NEGR1: variants seen among roughly 807,000 people sequenced by gnomAD.
NEGR1 encodes neuronal growth regulator 1, also known as IgLON family member 4.
In NEGR1, 10 loss-of-function variants were observed where a neutral mutation model predicts 40.9. That is an observed-to-expected ratio of 0.24 (90% confidence interval 0.15 to 0.42). The LOEUF is 0.42. NEGR1 is among the 10% of genes least tolerant of loss of function. NEGR1 has a pLI of 1.00. For synonymous variants in NEGR1, 185 were observed against 166.8 expected (o/e 1.11, Z -0.84); for missense variants, 352 against 438.9 (o/e 0.80, Z 1.77).
intron 2 of NEGR1, among the ~76,000 whole-genome samples, chr1:71,925,693 T>A (rs2101887129): frequency 6.6e-6 from 1 of 151,908 alleles, no homozygotes; most frequent in East Asian, 2.0e-4. Flanking sequence ...CCTAATTGCC[T>A]TTATAGTGAT....
intron 2 of NEGR1, among the ~76,000 whole-genome samples, chr1:71,822,605 G>A (rs1658472513): frequency 6.6e-6 from 1 of 152,000 alleles, no homozygotes; most frequent in Non-Finnish European, 1.5e-5. Flanking sequence ...ATTGCTTGAG[G>A]AGACTGGACA....
chr1:71,849,666 G>A (rs1434189154), intron 2 of NEGR1, among the ~76,000 whole-genome samples: 1 of 152,044 alleles, frequency 6.6e-6, no homozygotes. Context: ...AAGGAGGAAG[G>A]GTCAATCTAT....
intron 2 of NEGR1, among the ~76,000 whole-genome samples, chr1:71,867,778 G>A (rs1468299773): frequency 6.6e-6 from 1 of 151,974 alleles, no homozygotes; most frequent in East Asian, 1.9e-4. Flanking sequence ...AAGTAACTAG[G>A]TATTCTTTGC....
chr1:71,519,653 G>A (rs940308791), intron 6 of NEGR1, among the ~76,000 whole-genome samples: 13 of 127,832 alleles, frequency 1.0e-4, no homozygotes, highest in East Asian at 4.6e-4. Context: ...TGGGTGCAGC[G>A]CACCAGCATG....
At chr1:72,131,633 T>A (rs1650253117) in intron 1 of NEGR1, among the ~76,000 whole-genome samples, 1 of 152,136 alleles carries the variant, frequency 6.6e-6, no homozygotes, top group Admixed American at 6.5e-5. Context: ...GAGAAGACTG[T>A]TTAAATCAAG....
intron 1 of NEGR1, among the ~76,000 whole-genome samples, chr1:72,151,362 G>T (rs1356497995): frequency 6.6e-6 from 1 of 151,398 alleles, no homozygotes; most frequent in Non-Finnish European, 1.5e-5. Flanking sequence ...AAGCAACGGA[G>T]ATATAATGTT....
At chr1:71,888,355 T>G (rs1052473530) in intron 2 of NEGR1, among the ~76,000 whole-genome samples, 5 of 151,930 alleles carry the variant, frequency 3.3e-5, no homozygotes, top group Admixed American at 6.6e-5. Context: ...GGCCAGTGTG[T>G]GCGCCCACCG....
intron 6 of NEGR1, among the ~76,000 whole-genome samples, chr1:71,521,265 A>G (rs1647155551): frequency 6.6e-6 from 1 of 152,068 alleles, no homozygotes; most frequent in South Asian, 2.1e-4. Flanking sequence ...GCAATTTCAC[A>G]GCTGATTTAG....
intron 1 of NEGR1, among the ~76,000 whole-genome samples, chr1:72,067,960 G>A (rs1268704629): frequency 1.3e-5 from 2 of 152,110 alleles, no homozygotes; most frequent in African/African-American, 2.4e-5. Flanking sequence ...GTTGTGAAAT[G>A]TATATTGCCA....
At chr1:71,751,993 T>C (rs1655585389) in intron 3 of NEGR1, among the ~76,000 whole-genome samples, 2 of 152,242 alleles carry the variant, frequency 1.3e-5, no homozygotes, top group South Asian at 4.1e-4. Flanking sequence ...ATTGGCAAAA[T>C]TGAAAACATG....
At chr1:71,662,607 G>A (rs12120769) in intron 4 of NEGR1, among the ~76,000 whole-genome samples, 71,644 of 151,718 alleles carry the variant, frequency 0.47, 16,984 homozygotes, top group Middle Eastern at 0.54. Flanking sequence ...TCCATCAGAA[G>A]TGATTTTAAA....
chr1:71,784,683 T>C (rs1012396046), intron 2 of NEGR1, among the ~76,000 whole-genome samples: 2 of 152,224 alleles, frequency 1.3e-5, no homozygotes, highest in South Asian at 4.1e-4. Flanking sequence ...CTATTTTCTC[T>C]TTCTCTCCAT....
intron 5 of NEGR1, among the ~76,000 whole-genome samples, chr1:71,609,391 T>A (rs2101540313): frequency 6.6e-6 from 1 of 150,786 alleles, no homozygotes; most frequent in East Asian, 2.0e-4. Flanking sequence ...GGCGGGCACC[T>A]GTAGTCCCAG....
intron 6 of NEGR1, chr1:71,409,094 C>A (rs1007818955): frequency 4.0e-5 from 6 of 151,850 alleles, no homozygotes; most frequent in African/African-American, 1.5e-4. Context: ...TGTATAATTA[C>A]AAATGAGTTT....
At chr1:71,879,711 C>T (rs1449671012) in intron 2 of NEGR1, among the ~76,000 whole-genome samples, 1 of 152,126 alleles carries the variant, frequency 6.6e-6, no homozygotes, top group East Asian at 1.9e-4. Context: ...TCACAAAAAT[C>T]TTAGAAATGC....
intron 6 of NEGR1, among the ~76,000 whole-genome samples, chr1:71,428,286 T>C (rs1646442376): frequency 6.6e-6 from 1 of 152,234 alleles, no homozygotes. Context: ...ATATGTGGCC[T>C]GTGGGCTGAA....
At chr1:71,580,925 G>A (rs368514613) in intron 6 of NEGR1, among the ~76,000 whole-genome samples, 15 of 152,130 alleles carry the variant, frequency 9.9e-5, no homozygotes, top group Admixed American at 8.5e-4. Context: ...AGCTTTTAAG[G>A]CCAATTGAGA....
chr1:71,692,442 T>C (rs1047814665), intron 4 of NEGR1, among the ~76,000 whole-genome samples: 1 of 151,714 alleles, frequency 6.6e-6, no homozygotes, highest in Non-Finnish European at 1.5e-5. Context: ...TGTTTTCTTC[T>C]AGTCCCATGA....
chr1:72,135,375 C>CAAAAAAAAAAAAAA (rs71074819), intron 1 of NEGR1, among the ~76,000 whole-genome samples: 1 of 71,384 alleles, frequency 1.4e-5, no homozygotes, highest in African/African-American at 5.3e-5. Flanking sequence ...GACTCCGTCT[C>CAAAAAAAAAAAAAA]AAAAAAAAAA....
Sources: gnomAD v4.1 joint callset for allele counts (sites outside exome capture counted in the v4.1 genomes callset) on GRCh38, gnomAD v4.1.1 for gene constraint, MANE v1.5 for transcripts, NCBI Gene and HGNC (gene_info 2026-07-23, HGNC 2026-07-21) for gene names.